CACNA1C: variants seen among roughly 807,000 people sequenced by gnomAD.
CACNA1C encodes the protein voltage-dependent L-type calcium channel subunit alpha-1C.
Under a neutral mutation model 229.0 loss-of-function variants are expected in CACNA1C, and 30 were observed. The ratio of observed to expected loss-of-function variants is 0.13; its 90% confidence interval spans 0.10 to 0.18. The LOEUF is 0.18. CACNA1C is among the 10% of genes least tolerant of loss of function. The pLI is 1.00. For missense variants in CACNA1C, 1,658 were observed against 2,845.0 expected, an observed-to-expected ratio of 0.58 and a Z score of 9.49; for synonymous variants, 1,114 against 1,132.5, an observed-to-expected ratio of 0.98 and a Z score of 0.33.
chr12:2,045,803 C>G (rs1355410444), intron 1 of CACNA1C, among the ~76,000 whole-genome samples: 1 of 151,880 alleles, frequency 6.6e-6, no homozygotes, highest in Non-Finnish European at 1.5e-5. Context: ...TGTCCTAATC[C>G]CCAGAGAGTG....
chr12:2,433,901 T>A (rs192242072), intron 3 of CACNA1C, among the ~76,000 whole-genome samples: 2 of 152,328 alleles, frequency 1.3e-5, no homozygotes, highest in East Asian at 1.9e-4. Context: ...ATGGACATTT[T>A]AAATAGTTAT....
At chr12:2,003,186 T>A (rs1250824717) in intron 1 of CACNA1C, among the ~76,000 whole-genome samples, 1 of 152,074 alleles carries the variant, frequency 6.6e-6, no homozygotes, top group Non-Finnish European at 1.5e-5. Context: ...TTCAGGTGAG[T>A]TTTTTACTAC....
rs1286185377 is a variant in CACNA1C at position 2,653,716 on chromosome 12, C to G, written c.4075-119C>G. 1.2e-6 allele frequency: 1 copy of G among 821,872 alleles called. No individual in the cohort carries two copies. The highest frequency in any genetic ancestry group is 2.0e-6 in the Non-Finnish European group (1 of 493,110). 50.9% of individuals were successfully genotyped at this position (821,872 alleles called of 1,614,324 possible). On this transcript the variant is annotated intron_variant, in intron 32 of 46. Transcript: ENST00000399655. The surrounding 1 kb of genome is among the most constrained non-coding windows in gnomAD (Gnocchi z 4.7). ...CCTGTGGGACTCTTGGAAGTGTCCCCCGGCCCAAACCGGGCAATAGCTGAT... is the reference window on the plus strand; with the variant it reads ...CCTGTGGGACTCTTGGAAGTGTCCCGCGGCCCAAACCGGGCAATAGCTGAT...
intron 10 of CACNA1C, among the ~76,000 whole-genome samples, chr12:2,555,170 C>T (rs1045164485): frequency 6.6e-6 from 1 of 152,216 alleles, no homozygotes. Context: ...CAGCGCCAAT[C>T]CTGCTTCCCA....
chr12:2,411,847 G>A (rs2098810768), intron 3 of CACNA1C, among the ~76,000 whole-genome samples: 1 of 152,254 alleles, frequency 6.6e-6, no homozygotes, highest in Non-Finnish European at 1.5e-5. Flanking sequence ...TGCCCCAAAG[G>A]AATTGCAGAT....
intron 3 of CACNA1C, among the ~76,000 whole-genome samples, chr12:2,178,440 C>T (rs1180733815): frequency 1.3e-5 from 2 of 152,144 alleles, no homozygotes; most frequent in Admixed American, 6.5e-5. Context: ...TATGTTTTTC[C>T]GACAATCCAG....
intron 9 of CACNA1C, among the ~76,000 whole-genome samples, chr12:2,524,696 T>C (rs1465233084): frequency 6.6e-6 from 1 of 152,200 alleles, no homozygotes; most frequent in African/African-American, 2.4e-5. Context: ...CCCTGTCTGC[T>C]CTGCATCGGG....
chr12:2,617,989 A>C (rs1160938975), intron 29 of CACNA1C, among the ~76,000 whole-genome samples: 2 of 152,188 alleles, frequency 1.3e-5, no homozygotes, highest in Admixed American at 6.5e-5. Context: ...TGACCCGAAG[A>C]TACTGTGGTC....
At chr12:2,402,626 C>A (rs2098692332) in intron 3 of CACNA1C, among the ~76,000 whole-genome samples, 1 of 152,242 alleles carries the variant, frequency 6.6e-6, no homozygotes, top group African/African-American at 2.4e-5. Context: ...ACATGTGAAA[C>A]TGACCTATAA....
At position 2,436,971 on chromosome 12, in the gene CACNA1C, A is replaced by G. The variant is rs185698590; in HGVS notation, c.478-12005A>G. On this transcript the variant is annotated intron_variant, in intron 3 of 46. Transcript: ENST00000399655. ...GTCCCCAGATGGCTGCCACAGTTCC[A>G]GACTTCACATATAGACATGGATGTT... Among the ~76,000 whole-genome samples, 542 of 152,344 alleles carry G rather than the reference A, an allele frequency of 3.6e-3. 3 individuals are homozygous for G. Among genetic ancestry groups the G allele is most frequent in the African/African-American group, 0.013 (530 of 41,580 alleles).
chr12:2,368,777 G>T (rs2097781429), intron 3 of CACNA1C, among the ~76,000 whole-genome samples: 1 of 152,164 alleles, frequency 6.6e-6, no homozygotes, highest in Admixed American at 6.5e-5. Flanking sequence ...GGCATTGTTT[G>T]TTGTTTTGGT....
intron 3 of CACNA1C, among the ~76,000 whole-genome samples, chr12:2,294,569 T>C (rs1252648847): frequency 1.3e-5 from 2 of 151,868 alleles, no homozygotes; most frequent in Non-Finnish European, 2.9e-5. Context: ...AGATTCCTCT[T>C]GTGCGTGCTG....
intron 3 of CACNA1C, among the ~76,000 whole-genome samples, chr12:2,305,300 A>T (rs1185683785): frequency 6.6e-6 from 1 of 152,226 alleles, no homozygotes; most frequent in Non-Finnish European, 1.5e-5. Flanking sequence ...CTTGGGAGGA[A>T]GCTGAGGACC....
intron 1 of CACNA1C, among the ~76,000 whole-genome samples, chr12:2,083,514 G>C (rs942333413): frequency 3.9e-5 from 6 of 152,222 alleles, no homozygotes; most frequent in Non-Finnish European, 7.3e-5. Context: ...CTGGGTTTAT[G>C]CTGTGATTCA....
At chr12:2,177,722 C>T (rs1319168676) in intron 3 of CACNA1C, among the ~76,000 whole-genome samples, 4 of 151,822 alleles carry the variant, frequency 2.6e-5, no homozygotes, top group African/African-American at 4.8e-5. Context: ...CTGCAACCTG[C>T]GCCTCCTGGG....
At chr12:2,450,469 G>T (rs938914834) in intron 4 of CACNA1C, among the ~76,000 whole-genome samples, 1 of 147,956 alleles carries the variant, frequency 6.8e-6, no homozygotes, top group Admixed American at 6.7e-5. Flanking sequence ...CAGGAGAATG[G>T]CGTGAACCCG....
intron 3 of CACNA1C, among the ~76,000 whole-genome samples, chr12:2,191,728 G>A (rs181645135): frequency 2.8e-5 from 4 of 144,192 alleles, no homozygotes; most frequent in African/African-American, 7.8e-5. Context: ...AGGCACACAC[G>A]TACACACAGG....
intron 1 of CACNA1C, among the ~76,000 whole-genome samples, chr12:2,031,953 ATG>A (rs1410512074): frequency 6.6e-6 from 1 of 151,270 alleles, no homozygotes; most frequent in South Asian, 2.1e-4. Context: ...CTGGAGACAA[ATG>A]TGTTGCTCTT....
intron 3 of CACNA1C, among the ~76,000 whole-genome samples, chr12:2,262,617 G>A (rs2080722236): frequency 6.6e-6 from 1 of 152,216 alleles, no homozygotes; most frequent in Non-Finnish European, 1.5e-5. Context: ...TCTGTGTGAT[G>A]CTGTGGCTGG....
Sources: gnomAD v4.1 joint callset for allele counts (sites outside exome capture counted in the v4.1 genomes callset) on GRCh38, gnomAD v4.1.1 for gene constraint, Gnocchi (gnomAD v3.1) non-coding constraint, MANE v1.5 for transcripts, NCBI Gene and HGNC (gene_info 2026-07-23, HGNC 2026-07-21) for gene names.